KCNMB2: variants seen among roughly 807,000 people sequenced by gnomAD.
The protein encoded by KCNMB2 is calcium-activated potassium channel subunit beta-2.
Under a neutral mutation model 24.5 loss-of-function variants are expected in KCNMB2, and 9 were observed. That is an observed-to-expected ratio of 0.37 (90% CI 0.22 to 0.64). The LOEUF is 0.64. Among genes scored for constraint, KCNMB2 ranks in the 30% least tolerant of loss-of-function variants. The pLI is 0.63. For synonymous variants in KCNMB2, 109 were observed against 104.4 expected, an observed-to-expected ratio of 1.04 and a Z score of -0.27; for missense variants, 226 against 284.3, an observed-to-expected ratio of 0.79 and a Z score of 1.47.
intron 1 of KCNMB2, among the ~76,000 whole-genome samples, chr3:178,603,045 T>A (rs1445711378): frequency 6.6e-6 from 1 of 152,108 alleles, no homozygotes; most frequent in Non-Finnish European, 1.5e-5. Flanking sequence ...TGGACTGTGA[T>A]CAAGGTGTAG....
At chr3:178,614,287 ATATATATATG>A (rs1718616833) in intron 1 of KCNMB2, among the ~76,000 whole-genome samples, 1 of 74,510 alleles carries the variant, frequency 1.3e-5, no homozygotes, top group African/African-American at 4.5e-5. Context: ...ATATATATAT[ATATATATATG>A]TATGTATATA....
intron 1 of KCNMB2, among the ~76,000 whole-genome samples, chr3:178,762,608 AC>A: frequency 6.6e-6 from 1 of 152,068 alleles, no homozygotes; most frequent in Admixed American, 6.6e-5. Context: ...AAAAAATAAT[AC>A]CAGTAATGAG....
At chr3:178,764,263 C>A (rs1712028395) in intron 1 of KCNMB2, among the ~76,000 whole-genome samples, 1 of 152,152 alleles carries the variant, frequency 6.6e-6, no homozygotes, top group Admixed American at 6.5e-5. Context: ...TGAATTGTCA[C>A]CCAAAAAGCA....
intron 1 of KCNMB2, chr3:178,757,229 G>T (rs1228918229): frequency 1.4e-5 from 2 of 143,916 alleles, no homozygotes; most frequent in East Asian, 4.0e-4. Context: ...AGTGAAAATT[G>T]TGGTACACAC....
rs555587725 is a variant in KCNMB2, at chr3:178,719,293, C to G, written c.-67-88050C>G. 1.6e-4 allele frequency among the ~76,000 whole-genome samples: 24 copies of G among 152,278 alleles called. 1 individual carries two copies. In the East Asian group the frequency reaches 4.6e-3, roughly 29 times the overall value. ...TTCCTCTTATTACAGTCTTTTAAAC[C>G]CAAGGGAGTTGAATGATCTTTGAAC... is the stretch of plus-strand genomic sequence containing the variant. On this transcript the variant is annotated intron_variant, in intron 1 of 4. Coordinates refer to ENST00000452583, the MANE Select transcript of KCNMB2 (RefSeq NM_181361.3).
At chr3:178,739,940 G>A (rs1047658840) in intron 1 of KCNMB2, among the ~76,000 whole-genome samples, 8 of 152,166 alleles carry the variant, frequency 5.3e-5, no homozygotes, top group Non-Finnish European at 1.0e-4. Context: ...TGATCCTGCT[G>A]ACATGGGACA....
intron 2 of KCNMB2, among the ~76,000 whole-genome samples, chr3:178,818,443 C>T (rs924954187): frequency 6.6e-6 from 1 of 152,158 alleles, no homozygotes; most frequent in Non-Finnish European, 1.5e-5. Flanking sequence ...TCCCCCAACA[C>T]GCCCCAGTAA....
At chr3:178,646,375 A>G (rs1719924419) in intron 1 of KCNMB2, among the ~76,000 whole-genome samples, 2 of 152,202 alleles carry the variant, frequency 1.3e-5, no homozygotes, top group South Asian at 4.1e-4. Flanking sequence ...TTTCCTCTAC[A>G]TTATAAGCTT....
At chr3:178,595,062 A>AAG (rs1717819038) in intron 1 of KCNMB2, among the ~76,000 whole-genome samples, 2 of 151,200 alleles carry the variant, frequency 1.3e-5, no homozygotes, top group Admixed American at 6.6e-5. Flanking sequence ...GTATTTGCAA[A>AAG]AAAAAAAAAA....
intron 1 of KCNMB2, among the ~76,000 whole-genome samples, chr3:178,743,713 T>C (rs1244021108): frequency 6.6e-6 from 1 of 152,198 alleles, no homozygotes; most frequent in Non-Finnish European, 1.5e-5. Context: ...ACACAAAAGC[T>C]TGAGCAGAAA....
At chr3:178,557,224 T>A (rs1280934426) in intron 1 of KCNMB2, among the ~76,000 whole-genome samples, 1 of 152,174 alleles carries the variant, frequency 6.6e-6, no homozygotes, top group East Asian at 1.9e-4. Flanking sequence ...CAAATCTGTA[T>A]CTAGGTATGA....
intron 3 of KCNMB2, among the ~76,000 whole-genome samples, chr3:178,827,232 T>G (rs1714870758): frequency 6.6e-6 from 1 of 152,140 alleles, no homozygotes; most frequent in East Asian, 1.9e-4. Context: ...GATCATAAAA[T>G]TAAAGGTATT....
intron 1 of KCNMB2, among the ~76,000 whole-genome samples, chr3:178,711,005 G>A (rs1722434501): frequency 6.6e-6 from 1 of 152,042 alleles, no homozygotes; most frequent in African/African-American, 2.4e-5. Flanking sequence ...GCTATCAAGG[G>A]GACATTAACT....
chr3:178,781,514 C>T (rs1017465842), intron 1 of KCNMB2, among the ~76,000 whole-genome samples: 1 of 152,034 alleles, frequency 6.6e-6, no homozygotes, highest in African/African-American at 2.4e-5. Context: ...ATTGCTTGAG[C>T]CAAGGAGACA....
At chr3:178,791,832 A>G (rs576883091) in intron 1 of KCNMB2, among the ~76,000 whole-genome samples, 15 of 151,762 alleles carry the variant, frequency 9.9e-5, no homozygotes, top group African/African-American at 3.6e-4. Context: ...GTGGCATGAC[A>G]TATTTAAAGT....
chr3:178,557,222 T>C (rs988395414), intron 1 of KCNMB2, among the ~76,000 whole-genome samples: 4 of 152,176 alleles, frequency 2.6e-5, no homozygotes, highest in African/African-American at 9.7e-5. Context: ...TTCAAATCTG[T>C]ATCTAGGTAT....
intron 1 of KCNMB2, among the ~76,000 whole-genome samples, chr3:178,573,047 T>C (rs1212633998): frequency 6.6e-6 from 1 of 152,018 alleles, no homozygotes. Flanking sequence ...ACAGAATCTG[T>C]CACCCAGGTT....
chr3:178,543,184 C>G (rs1715676999), intron 1 of KCNMB2, among the ~76,000 whole-genome samples: 1 of 152,120 alleles, frequency 6.6e-6, no homozygotes, highest in African/African-American at 2.4e-5. Context: ...TGACCAGAAC[C>G]AGAAACCAAT....
intron 1 of KCNMB2, among the ~76,000 whole-genome samples, chr3:178,710,274 C>T (rs962354520): frequency 1.2e-4 from 18 of 152,258 alleles, no homozygotes; most frequent in African/African-American, 4.3e-4. Context: ...CAGAGCAAGG[C>T]CTTTTCAGGG....
Sources: allele counts gnomAD v4.1 joint callset (sites outside exome capture counted in the v4.1 genomes callset), GRCh38; gene constraint gnomAD v4.1.1; transcripts MANE v1.5; gene names NCBI Gene and HGNC (gene_info 2026-07-23, HGNC 2026-07-21).